The following CNTN5 variants were observed in gnomAD, a reference collection of about 807,000 sequenced individuals.
CNTN5 encodes the protein contactin 5, also known as contactin-5.
CNTN5 carries 77 observed loss-of-function variants against 129.1 expected under a neutral mutation model. The ratio of observed to expected loss-of-function variants is 0.60; its 90% CI spans 0.50 to 0.72. The LOEUF is 0.72. CNTN5 is among the 30% of genes least tolerant of loss of function. The probability of loss-of-function intolerance (pLI) is 0.00; values close to 1 mark genes in which losing one functional copy is unlikely to be tolerated. For missense variants in CNTN5, 1,478 were observed against 1,328.8 expected, an observed-to-expected ratio of 1.11 and a Z score of -1.75; for synonymous variants, 509 against 465.6, an observed-to-expected ratio of 1.09 and a Z score of -1.20.
chr11:100,279,902 T>A (rs1950596368), intron 18 of CNTN5, among the ~76,000 whole-genome samples: 1 of 102,888 alleles, frequency 9.7e-6, no homozygotes. Context: ...TTTGAAGTTT[T>A]TCTTTTTCTT....
At chr11:99,876,583 G>T (rs1433784762) in intron 6 of CNTN5, among the ~76,000 whole-genome samples, 1 of 152,122 alleles carries the variant, frequency 6.6e-6, no homozygotes, top group Non-Finnish European at 1.5e-5. Context: ...TAACACATGA[G>T]GCATTCAAGT....
chr11:99,480,878 G>T (rs1251920521), intron 2 of CNTN5, among the ~76,000 whole-genome samples: 17 of 152,080 alleles, frequency 1.1e-4, no homozygotes. Flanking sequence ...AGTTCTAAAA[G>T]AATGTTCTAT....
intron 2 of CNTN5, among the ~76,000 whole-genome samples, chr11:99,461,331 G>A (rs938708818): frequency 9.9e-5 from 15 of 152,028 alleles, no homozygotes; most frequent in African/African-American, 3.4e-4. Flanking sequence ...AAGAACTGCC[G>A]TAGGTTTGTC....
chr11:99,551,820 C>T (rs1436471622), intron 2 of CNTN5, among the ~76,000 whole-genome samples: 1 of 151,832 alleles, frequency 6.6e-6, no homozygotes, highest in East Asian at 1.9e-4. Context: ...CTTATGGGAA[C>T]ATCATCATAT....
intron 2 of CNTN5, among the ~76,000 whole-genome samples, chr11:99,494,459 A>G (rs1262973333): frequency 6.6e-6 from 1 of 152,314 alleles, no homozygotes; most frequent in Non-Finnish European, 1.5e-5. Context: ...ATTGCTTCAC[A>G]AAATACTAAC....
intron 9 of CNTN5, among the ~76,000 whole-genome samples, chr11:100,025,166 C>T (rs943392419): frequency 3.3e-5 from 5 of 152,214 alleles, no homozygotes; most frequent in African/African-American, 1.2e-4. Flanking sequence ...TGTCTTAGGA[C>T]TTGGTGCCCT....
At chr11:100,159,760 A>G (rs1157829198) in intron 13 of CNTN5, among the ~76,000 whole-genome samples, 2 of 151,942 alleles carry the variant, frequency 1.3e-5, no homozygotes, top group Non-Finnish European at 2.9e-5. Context: ...GATATTACTT[A>G]TGCCAGTGAA....
At chr11:100,048,816 C>G (rs1339120272) in intron 9 of CNTN5, among the ~76,000 whole-genome samples, 1 of 151,958 alleles carries the variant, frequency 6.6e-6, no homozygotes, top group Non-Finnish European at 1.5e-5. Context: ...TGTTGTAAAA[C>G]TTAACCCTAC....
chr11:100,197,727 A>G (rs1342951823), intron 15 of CNTN5, among the ~76,000 whole-genome samples: 1 of 152,000 alleles, frequency 6.6e-6, no homozygotes, highest in East Asian at 1.9e-4. Flanking sequence ...TATCCTTATA[A>G]TGCATAAAGA....
intron 1 of CNTN5, among the ~76,000 whole-genome samples, chr11:99,155,779 CAG>C (rs899546055): frequency 3.7e-4 from 56 of 152,034 alleles, no homozygotes; most frequent in African/African-American, 1.3e-3. Flanking sequence ...GTCAACTGAA[CAG>C]AGTCAAGACA....
intron 1 of CNTN5, among the ~76,000 whole-genome samples, chr11:99,252,817 A>G (rs959152755): frequency 6.6e-6 from 1 of 152,012 alleles, no homozygotes; most frequent in Non-Finnish European, 1.5e-5. Flanking sequence ...CATTGGAGAC[A>G]TTGTGTTGCA....
chr11:99,993,956 T>C (rs765038715), intron 8 of CNTN5, among the ~76,000 whole-genome samples: 27 of 152,180 alleles, frequency 1.8e-4, no homozygotes, highest in Non-Finnish European at 3.2e-4. Flanking sequence ...GTAAAATAAT[T>C]TGAAGCCTCT....
chr11:99,646,157 C>T (rs897015086), intron 3 of CNTN5, among the ~76,000 whole-genome samples: 2 of 152,056 alleles, frequency 1.3e-5, no homozygotes, highest in African/African-American at 2.4e-5. Context: ...AACATTGGCT[C>T]TGTTTTGTTT....
chr11:100,177,541 C>A (rs1209022860), intron 13 of CNTN5, among the ~76,000 whole-genome samples: 1 of 152,064 alleles, frequency 6.6e-6, no homozygotes, highest in Non-Finnish European at 1.5e-5. Flanking sequence ...TACTTCACTC[C>A]TTCTCCACTT....
At chr11:99,317,088 G>A (rs1312715244) in intron 1 of CNTN5, among the ~76,000 whole-genome samples, 2 of 152,160 alleles carry the variant, frequency 1.3e-5, no homozygotes, top group Non-Finnish European at 2.9e-5. Context: ...TGTCCTTTGC[G>A]AAGATTTTTG....
intron 13 of CNTN5, among the ~76,000 whole-genome samples, chr11:100,188,493 C>G (rs1163111977): frequency 6.6e-6 from 1 of 152,006 alleles, no homozygotes; most frequent in East Asian, 1.9e-4. Context: ...AAAAAATGAT[C>G]CACATTACTA....
intron 3 of CNTN5, among the ~76,000 whole-genome samples, chr11:99,731,190 G>A (rs1456531069): frequency 6.6e-6 from 1 of 151,646 alleles, no homozygotes; most frequent in Non-Finnish European, 1.5e-5. Context: ...CTCACTGCAA[G>A]CTCCGCTTCC....
chr11:99,041,365 G>A (rs778558707), intron 1 of CNTN5, among the ~76,000 whole-genome samples: 1 of 151,958 alleles, frequency 6.6e-6, no homozygotes, highest in Non-Finnish European at 1.5e-5. Flanking sequence ...ATGCAAAGTG[G>A]TACAGTCTTA....
chr11:99,621,095 C>G (rs903914600), intron 3 of CNTN5, among the ~76,000 whole-genome samples: 2 of 151,984 alleles, frequency 1.3e-5, no homozygotes, highest in Non-Finnish European at 2.9e-5. Context: ...AACTATAATA[C>G]AAAGATACTT....
Sources: gnomAD v4.1 joint callset for allele counts (sites outside exome capture counted in the v4.1 genomes callset) on GRCh38, gnomAD v4.1.1 for gene constraint, MANE v1.5 for transcripts, NCBI Gene and HGNC (gene_info 2026-07-23, HGNC 2026-07-21) for gene names.